MYRIP: variants seen among roughly 807,000 people sequenced by gnomAD.
MYRIP encodes myosin VIIA and Rab interacting protein.
A neutral mutation model predicts 98.0 loss-of-function variants in MYRIP; 49 were observed. That is an observed-to-expected ratio of 0.50 (90% CI 0.40 to 0.63). The LOEUF is 0.63. Among genes scored for constraint, MYRIP ranks in the 30% least tolerant of loss-of-function variants. MYRIP has a pLI of 0.00. For missense variants in MYRIP, 1,004 were observed against 1,058.2 expected (o/e 0.95, Z 0.71); for synonymous variants, 404 against 409.5 (o/e 0.99, Z 0.16).
intron 3 of MYRIP, among the ~76,000 whole-genome samples, chr3:40,085,349 C>T (rs553636419): frequency 2.0e-4 from 30 of 152,254 alleles, no homozygotes; most frequent in African/African-American, 6.7e-4. Flanking sequence ...TGCAGTGGCG[C>T]GATCTTGGCC....
At chr3:40,245,913 A>ATTTTTTTTTT (rs55637614) in intron 13 of MYRIP, among the ~76,000 whole-genome samples, 2 of 115,632 alleles carry the variant, frequency 1.7e-5, no homozygotes, top group Non-Finnish European at 1.7e-5. Context: ...CACCCAGCTA[A>ATTTTTTTTTT]TTTTTTTTTT....
chr3:40,140,334 A>G (rs534074339), intron 3 of MYRIP, among the ~76,000 whole-genome samples: 68 of 152,346 alleles, frequency 4.5e-4, no homozygotes, highest in African/African-American at 1.6e-3. Context: ...CCATTCTTGT[A>G]TATACCACAT....
intron 3 of MYRIP, chr3:40,071,072 A>C: frequency 1.1e-6 from 1 of 928,146 alleles, no homozygotes; most frequent in Non-Finnish European, 1.3e-6. Flanking sequence ...GCCTTTTGAC[A>C]TAAGAATCTG....
chr3:40,192,898 T>C lies in MYRIP; in HGVS notation c.1665+2435T>C, dbSNP rs188050736. 3.1e-3 allele frequency among the ~76,000 whole-genome samples: 468 copies of C among 152,236 alleles called. 3 individuals carry two copies. The highest frequency in any genetic ancestry group is 4.4e-3 in the Admixed American group (68 of 15,298). On this transcript the variant is annotated intron_variant, in intron 10 of 16. Transcript: ENST00000302541. The stretch of plus-strand genomic sequence containing the variant: ...TGCAGTTGCCCATCATGCTTCTACA[T>C]AGTAACCTGTATAGAAAATGCAGAA...
chr3:39,818,153 G>A (rs149761168), intron 1 of MYRIP, among the ~76,000 whole-genome samples: 1 of 152,136 alleles, frequency 6.6e-6, no homozygotes, highest in African/African-American at 2.4e-5. Context: ...CTTCAACTTT[G>A]TAGACATTTT....
At chr3:40,113,317 G>A (rs978629736) in intron 3 of MYRIP, among the ~76,000 whole-genome samples, 1 of 152,078 alleles carries the variant, frequency 6.6e-6, no homozygotes, top group African/African-American at 2.4e-5. Flanking sequence ...GTAATTTTTT[G>A]TGTTTTCAGT....
At chr3:39,934,854 T>C (rs1202002131) in intron 2 of MYRIP, among the ~76,000 whole-genome samples, 2 of 152,222 alleles carry the variant, frequency 1.3e-5, no homozygotes, top group Admixed American at 6.5e-5. Context: ...TGGACAGATA[T>C]AATTTGAAGG....
At chr3:40,017,429 G>A (rs1225460345) in intron 2 of MYRIP, among the ~76,000 whole-genome samples, 1 of 152,100 alleles carries the variant, frequency 6.6e-6, no homozygotes, top group African/African-American at 2.4e-5. Context: ...CATTAGGTAG[G>A]GCTTGCTCAG....
chr3:40,153,872 T>C (rs1950166914), intron 4 of MYRIP, among the ~76,000 whole-genome samples: 1 of 152,206 alleles, frequency 6.6e-6, no homozygotes, highest in African/African-American at 2.4e-5. Flanking sequence ...CCGGGCACAG[T>C]GGCTCTCGCC....
rs370433596 is a variant in MYRIP at position 40,250,180 on chromosome 3, C to T, written c.2263-42C>T. 5.4e-6 allele frequency: 8 copies of T among 1,483,468 alleles called. No homozygotes were observed. In the South Asian group the frequency reaches 5.7e-5, roughly 11 times the overall value. 91.9% of individuals were successfully genotyped at this position (1,483,468 alleles called of 1,614,324 possible). A position where few individuals can be genotyped will look rare whatever the true frequency, so the allele number is the denominator to read the frequency against. On this transcript the variant is annotated intron_variant, in intron 13 of 16. Transcript: ENST00000302541. ...ACTTTTAAGAAATATTTTCCCCTTCCGTATTTTCTCCCTGCCAATCTTGTC... is the reference window on the plus strand; with the variant it reads ...ACTTTTAAGAAATATTTTCCCCTTCTGTATTTTCTCCCTGCCAATCTTGTC...
intron 8 of MYRIP, among the ~76,000 whole-genome samples, chr3:40,176,377 A>G (rs1260557539): frequency 6.6e-6 from 1 of 152,224 alleles, no homozygotes; most frequent in African/African-American, 2.4e-5. Context: ...GAACATTTCC[A>G]TCATCCATCA....
intron 8 of MYRIP, among the ~76,000 whole-genome samples, chr3:40,176,761 T>A (rs1950769983): frequency 6.6e-6 from 1 of 151,410 alleles, no homozygotes; most frequent in African/African-American, 2.4e-5. Context: ...TACAAAAAAT[T>A]AGCTGGGTGT....
intron 1 of MYRIP, among the ~76,000 whole-genome samples, chr3:39,886,903 A>C (rs897301845): frequency 6.6e-6 from 1 of 152,074 alleles, no homozygotes; most frequent in Admixed American, 6.6e-5. Flanking sequence ...TCAGCACCAC[A>C]CCACACCTAT....
chr3:40,177,964 A>G (rs778560001), intron 8 of MYRIP, among the ~76,000 whole-genome samples: 3 of 152,122 alleles, frequency 2.0e-5, no homozygotes, highest in Non-Finnish European at 4.4e-5. Context: ...ATAGTATAGA[A>G]TTAAAGTACT....
chr3:40,221,364 T>C (rs9877864), intron 11 of MYRIP, among the ~76,000 whole-genome samples: 21,257 of 152,148 alleles, frequency 0.14, 3,182 homozygotes, highest in African/African-American at 0.38. Flanking sequence ...GGATAATTGG[T>C]TCACTCTTGT....
At chr3:40,233,679 C>G (rs988793255) in intron 11 of MYRIP, among the ~76,000 whole-genome samples, 180 bp from the exon 12 acceptor site, 1 of 152,132 alleles carries the variant, frequency 6.6e-6, no homozygotes. Context: ...ATCAGGCCTC[C>G]CCTCAGTTCT....
chr3:39,931,642 T>C (rs1320073637), intron 2 of MYRIP, among the ~76,000 whole-genome samples: 1 of 152,178 alleles, frequency 6.6e-6, no homozygotes, highest in Non-Finnish European at 1.5e-5. Flanking sequence ...TGATTTTAAC[T>C]GTGATTTTTC....
intron 3 of MYRIP, chr3:40,100,111 T>A (rs1293193792): frequency 1.0e-6 from 1 of 985,322 alleles, no homozygotes; most frequent in Non-Finnish European, 1.2e-6. Flanking sequence ...TTATCCTCTG[T>A]CTGGGCTTTT....
chr3:40,169,872 A>G, intron 7 of MYRIP, 78 bp from the exon 8 acceptor site: 2 of 1,579,208 alleles, frequency 1.3e-6, no homozygotes, highest in East Asian at 2.3e-5. Context: ...AAAAATTCCA[A>G]AGATGGTCCC....
Sources: allele counts gnomAD v4.1 joint callset (sites outside exome capture counted in the v4.1 genomes callset), GRCh38; gene constraint gnomAD v4.1.1; transcripts MANE v1.5; gene names NCBI Gene and HGNC (gene_info 2026-07-23, HGNC 2026-07-21).